Variants in SMYD3 observed in about 807,000 individuals in gnomAD.
SMYD3 encodes histone-lysine N-methyltransferase SMYD3.
In SMYD3, 36 loss-of-function variants were observed where a neutral mutation model predicts 57.7. The ratio of observed to expected loss-of-function variants is 0.62; its 90% confidence interval spans 0.48 to 0.82. SMYD3 has a LOEUF of 0.82. Among genes scored for constraint, SMYD3 ranks in the 40% least tolerant of loss-of-function variants. The pLI, the probability that SMYD3 is intolerant of heterozygous loss-of-function variation, is 0.00. For missense variants in SMYD3, 515 were observed against 538.8 expected, an observed-to-expected ratio of 0.96 and a Z score of 0.44; for synonymous variants, 211 against 195.0, an observed-to-expected ratio of 1.08 and a Z score of -0.68.
At chr1:246,061,109 G>A (rs1490370502) in intron 5 of SMYD3, among the ~76,000 whole-genome samples, 1 of 152,082 alleles carries the variant, frequency 6.6e-6, no homozygotes, top group Non-Finnish European at 1.5e-5. Flanking sequence ...CATAATCCCA[G>A]CTACTCGGGA....
rs182958202 is a variant in SMYD3 at position 245,923,406 on chromosome 1, G to C, written c.702+4525C>G. ...AAATATTTACTGGGCGCCTCCTATA[G>C]ACCAGCCAATGTTATGAAACCTTCA... On this transcript the variant is annotated intron_variant, in intron 7 of 11. Coordinates refer to ENST00000490107, the MANE Select transcript of SMYD3 (RefSeq NM_001167740.2). Among the ~76,000 whole-genome samples, 335 of 152,188 alleles carry C rather than the reference G, an allele frequency of 2.2e-3. 2 individuals carry two copies. Among genetic ancestry groups the C allele is most frequent in the African/African-American group, 7.7e-3 (319 of 41,522 alleles).
intron 5 of SMYD3, among the ~76,000 whole-genome samples, chr1:246,142,795 G>A (rs1047513809): frequency 3.9e-5 from 6 of 152,172 alleles, no homozygotes; most frequent in Non-Finnish European, 7.3e-5. Flanking sequence ...GAGAGTTCTC[G>A]TAAGTATATT....
At chr1:246,141,074 G>A (rs569114361) in intron 5 of SMYD3, among the ~76,000 whole-genome samples, 41 of 152,258 alleles carry the variant, frequency 2.7e-4, no homozygotes, top group African/African-American at 9.4e-4. Context: ...TGACCTATCC[G>A]TTCAACTGCT....
chr1:246,291,052 T>G (rs981655654), intron 5 of SMYD3, among the ~76,000 whole-genome samples: 15 of 151,778 alleles, frequency 9.9e-5, no homozygotes, highest in Non-Finnish European at 1.8e-4. Flanking sequence ...AAAAAATACA[T>G]AGGTTAATAA....
intron 8 of SMYD3, among the ~76,000 whole-genome samples, chr1:245,902,860 CT>C (rs1354658529): frequency 6.6e-6 from 1 of 152,196 alleles, no homozygotes; most frequent in Non-Finnish European, 1.5e-5. Flanking sequence ...AAGTCATTCT[CT>C]ATGAAAGCCA....
At chr1:246,304,854 G>A (rs959915041) in intron 5 of SMYD3, among the ~76,000 whole-genome samples, 6 of 152,098 alleles carry the variant, frequency 3.9e-5, no homozygotes, top group African/African-American at 7.2e-5. Context: ...TGTGGGCTGC[G>A]GCTTGTTTGT....
At chr1:246,127,945 T>A (rs1190167033) in intron 5 of SMYD3, among the ~76,000 whole-genome samples, 3 of 150,992 alleles carry the variant, frequency 2.0e-5, no homozygotes, top group African/African-American at 7.4e-5. Flanking sequence ...GGAGAGGAGA[T>A]TATATAGCTA....
At chr1:246,121,744 A>G (rs992289217) in intron 5 of SMYD3, among the ~76,000 whole-genome samples, 7 of 152,190 alleles carry the variant, frequency 4.6e-5, no homozygotes, top group African/African-American at 1.7e-4. Flanking sequence ...GGAAGAACAT[A>G]TGCTGGAAAC....
chr1:245,808,993 C>T (rs1320553463), intron 10 of SMYD3, among the ~76,000 whole-genome samples: 3 of 152,108 alleles, frequency 2.0e-5, no homozygotes, highest in African/African-American at 7.2e-5. Context: ...GGACTCCTGA[C>T]CTCCGCCCGC....
At chr1:246,264,521 T>C (rs532747917) in intron 5 of SMYD3, among the ~76,000 whole-genome samples, 5 of 152,330 alleles carry the variant, frequency 3.3e-5, no homozygotes, top group Admixed American at 2.0e-4. Context: ...TCTATATTTT[T>C]TCAATATGAT....
At chr1:246,254,036 T>C (rs1395594712) in intron 5 of SMYD3, among the ~76,000 whole-genome samples, 3 of 152,164 alleles carry the variant, frequency 2.0e-5, no homozygotes, top group African/African-American at 4.8e-5. Context: ...TTCTTAATAA[T>C]AGGCATTCTA....
intron 5 of SMYD3, among the ~76,000 whole-genome samples, chr1:246,198,050 T>C (rs1233389816): frequency 5.3e-5 from 8 of 152,230 alleles, no homozygotes; most frequent in Admixed American, 5.2e-4. Flanking sequence ...AGTTATGTGC[T>C]TGACCTGTAC....
At chr1:245,918,207 C>G (rs2055587036) in intron 7 of SMYD3, among the ~76,000 whole-genome samples, 1 of 152,196 alleles carries the variant, frequency 6.6e-6, no homozygotes, top group Non-Finnish European at 1.5e-5. Flanking sequence ...TTAAGAGATA[C>G]AGACAATGAC....
chr1:245,921,547 G>GTATATATATATATATATATA (rs1491323831), intron 7 of SMYD3, among the ~76,000 whole-genome samples: 1,196 of 34,628 alleles, frequency 0.035, 58 homozygotes, highest in East Asian at 0.062. Flanking sequence ...AAAAAATGTG[G>GTATATATATATATATATATA]TGTATATATA....
chr1:246,063,319 T>G (rs1015886341), intron 5 of SMYD3, among the ~76,000 whole-genome samples: 1 of 152,304 alleles, frequency 6.6e-6, no homozygotes, highest in East Asian at 1.9e-4. Flanking sequence ...AGAGACTCAG[T>G]ACCCAGGGTC....
At chr1:246,460,514 A>G (rs886852171) in intron 1 of SMYD3, among the ~76,000 whole-genome samples, 1 of 152,220 alleles carries the variant, frequency 6.6e-6, no homozygotes, top group African/African-American at 2.4e-5. Context: ...TTTCAGTTAC[A>G]TGTGTGTTTT....
chr1:245,855,925 C>T (rs1175226406), intron 10 of SMYD3, among the ~76,000 whole-genome samples: 3 of 152,214 alleles, frequency 2.0e-5, no homozygotes, highest in African/African-American at 7.2e-5. Flanking sequence ...CAGCAGATGG[C>T]AATGCAATCA....
At chr1:246,390,976 A>G (rs960184826) in intron 1 of SMYD3, among the ~76,000 whole-genome samples, 1 of 152,198 alleles carries the variant, frequency 6.6e-6, no homozygotes, top group African/African-American at 2.4e-5. Flanking sequence ...CATCAAACCT[A>G]TAGAAAACAA....
chr1:246,233,738 T>A (rs1308978192), intron 5 of SMYD3, among the ~76,000 whole-genome samples: 1 of 114,150 alleles, frequency 8.8e-6, no homozygotes, highest in Non-Finnish European at 1.7e-5. Flanking sequence ...CACTCCTCAA[T>A]TCACACTGTG....
Sources: gnomAD v4.1 joint callset for allele counts (sites outside exome capture counted in the v4.1 genomes callset) on GRCh38, gnomAD v4.1.1 for gene constraint, MANE v1.5 for transcripts, NCBI Gene and HGNC (gene_info 2026-07-23, HGNC 2026-07-21) for gene names.